The following ST3GAL6 variants were observed in gnomAD, a reference collection of about 807,000 sequenced individuals.
The protein encoded by ST3GAL6 is type 2 lactosamine alpha-2,3-sialyltransferase.
Under a neutral mutation model 40.5 loss-of-function variants are expected in ST3GAL6, and 31 were observed. The ratio of observed to expected loss-of-function variants is 0.77; its 90% CI spans 0.58 to 1.03. The LOEUF (loss-of-function observed/expected upper bound fraction) is 1.03, where lower values mean the gene tolerates loss of function less well. ST3GAL6 is among the 50% of genes least tolerant of loss of function. ST3GAL6 has a pLI of 0.00. For synonymous variants in ST3GAL6, 129 were observed against 136.9 expected, an observed-to-expected ratio of 0.94 and a Z score of 0.40; for missense variants, 357 against 393.2, an observed-to-expected ratio of 0.91 and a Z score of 0.78.
At chr3:98,749,233 GAAAT>G (rs1576042794) in intron 1 of ST3GAL6, among the ~76,000 whole-genome samples, 2 of 152,044 alleles carry the variant, frequency 1.3e-5, no homozygotes, top group East Asian at 3.8e-4. Flanking sequence ...CTGGTTTTAG[GAAAT>G]AAATCTAGGA....
intron 5 of ST3GAL6, among the ~76,000 whole-genome samples, chr3:98,776,225 GA>G (rs1452253291): frequency 1.3e-5 from 2 of 152,240 alleles, no homozygotes; most frequent in African/African-American, 4.8e-5. Flanking sequence ...CAACACATAG[GA>G]AAAAACCAAC....
At chr3:98,774,694 C>CT (rs1939345804) in intron 5 of ST3GAL6, among the ~76,000 whole-genome samples, 1 of 152,194 alleles carries the variant, frequency 6.6e-6, no homozygotes, top group Admixed American at 6.5e-5. Context: ...AATGGCAGAA[C>CT]TTACCCTCTT....
At chr3:98,773,523 G>A (rs1939211878) in intron 4 of ST3GAL6, 1 of 157,770 alleles carries the variant, frequency 6.3e-6, no homozygotes, top group African/African-American at 2.4e-5. Flanking sequence ...TTATTCAACT[G>A]ATCCTGTGAG....
chr3:98,773,130 T>C, intron 4 of ST3GAL6: 1 of 306,718 alleles, frequency 3.3e-6, no homozygotes, highest in Non-Finnish European at 6.0e-6. Context: ...CAGGGGTAGA[T>C]TTGTTGTTGT....
intron 4 of ST3GAL6, 104 bp from the exon 5 acceptor site, chr3:98,773,816 A>T: frequency 1.2e-6 from 1 of 806,566 alleles, no homozygotes; most frequent in Non-Finnish European, 2.1e-6. Context: ...CAATGTGGCC[A>T]TGCTGGTTGG....
intron 1 of ST3GAL6, among the ~76,000 whole-genome samples, chr3:98,743,068 G>A (rs149413396): frequency 2.1e-5 from 3 of 145,130 alleles, no homozygotes; most frequent in South Asian, 2.2e-4. Context: ...GAATATCGTG[G>A]TGCAATCTTG....
intron 1 of ST3GAL6, among the ~76,000 whole-genome samples, chr3:98,758,339 C>T (rs1313869356): frequency 1.3e-5 from 2 of 152,112 alleles, no homozygotes; most frequent in African/African-American, 4.8e-5. Flanking sequence ...GAGAATGAAA[C>T]CTATTTCATG....
At chr3:98,732,741 C>A in intron 1 of ST3GAL6, 1 of 994,734 alleles carries the variant, frequency 1.0e-6, no homozygotes, top group Non-Finnish European at 1.4e-6. Context: ...CCTGAGACTC[C>A]GGGCAGGGCT....
At chr3:98,789,643 G>A (rs1451015141) in intron 8 of ST3GAL6, among the ~76,000 whole-genome samples, 1 of 152,196 alleles carries the variant, frequency 6.6e-6, no homozygotes, top group East Asian at 1.9e-4. Flanking sequence ...ACTTCTGGAA[G>A]TGGAATGCTC....
intron 1 of ST3GAL6, among the ~76,000 whole-genome samples, chr3:98,764,499 T>C (rs528318432): frequency 6.6e-6 from 1 of 152,352 alleles, no homozygotes; most frequent in South Asian, 2.1e-4. Context: ...AGAATTGATA[T>C]TGCTTAAGGA....
chr3:98,764,883 G>A (rs368967655), intron 1 of ST3GAL6, among the ~76,000 whole-genome samples: 1 of 151,970 alleles, frequency 6.6e-6, no homozygotes, highest in African/African-American at 2.4e-5. Flanking sequence ...CATTTACCAC[G>A]TGCTAGGCAT....
At chr3:98,747,194 G>T (rs1936625698) in intron 1 of ST3GAL6, among the ~76,000 whole-genome samples, 1 of 152,088 alleles carries the variant, frequency 6.6e-6, no homozygotes, top group Non-Finnish European at 1.5e-5. Flanking sequence ...CATTTTTTCA[G>T]CCCCGTCAGT....
Position 98,793,454 on chromosome 3 carries a change from TGA to T in ST3GAL6, c.910-217_910-216del, listed in dbSNP as rs1166553242. Among the ~76,000 whole-genome samples, 3 of 152,334 alleles carry T rather than the reference TGA, an allele frequency of 2.0e-5. No individual in the cohort carries two copies. In the East Asian group the frequency reaches 5.8e-4, roughly 29 times the overall value. On this transcript the variant is annotated intron_variant, in intron 9 of 9. Transcript: ENST00000483910. ...TTGATATGAAGGAGTCTTACTTATG[TGA>T]GAGTTGAAATGGAAAGAGTGGGCTG...
intron 1 of ST3GAL6, among the ~76,000 whole-genome samples, chr3:98,753,484 TAGAC>T (rs1422550116): frequency 1.3e-5 from 2 of 152,264 alleles, no homozygotes; most frequent in South Asian, 2.1e-4. Flanking sequence ...ATTTTCATTG[TAGAC>T]AGACAGTCTT....
At chr3:98,735,072 T>C (rs1935414965) in intron 1 of ST3GAL6, among the ~76,000 whole-genome samples, 1 of 152,206 alleles carries the variant, frequency 6.6e-6, no homozygotes, top group Non-Finnish European at 1.5e-5. Context: ...AGCATGGAAC[T>C]CCTATTTGGC....
At chr3:98,735,024 TA>T (rs1348253840) in intron 1 of ST3GAL6, among the ~76,000 whole-genome samples, 1 of 152,226 alleles carries the variant, frequency 6.6e-6, no homozygotes, top group Non-Finnish European at 1.5e-5. Context: ...ATCTGTTTAG[TA>T]TGCATTTTAG....
At chr3:98,765,741 G>A (rs1938252085) in intron 1 of ST3GAL6, among the ~76,000 whole-genome samples, 1 of 152,052 alleles carries the variant, frequency 6.6e-6, no homozygotes, top group Admixed American at 6.6e-5. Flanking sequence ...AGCTGGCATT[G>A]GTCCTGTTTA....
At chr3:98,771,103 C>A in intron 3 of ST3GAL6, 147 bp downstream of exon 3, 1 of 1,516,436 alleles carries the variant, frequency 6.6e-7, no homozygotes, top group Non-Finnish European at 8.8e-7. Flanking sequence ...AATATCCTGT[C>A]TCTTTTTGTG....
chr3:98,740,740 A>G (rs570578634), intron 1 of ST3GAL6, among the ~76,000 whole-genome samples: 1 of 152,356 alleles, frequency 6.6e-6, no homozygotes, highest in South Asian at 2.1e-4. Flanking sequence ...CAAATATTTA[A>G]TCAGTGTTAT....
Sources: gnomAD v4.1 joint callset for allele counts (sites outside exome capture counted in the v4.1 genomes callset) on GRCh38, gnomAD v4.1.1 for gene constraint, MANE v1.5 for transcripts, NCBI Gene and HGNC (gene_info 2026-07-23, HGNC 2026-07-21) for gene names.